Variants in MVB12B observed in about 807,000 individuals in gnomAD.
MVB12B encodes the protein ESCRT-I complex subunit MVB12B.
In MVB12B, 16 loss-of-function variants were observed where a neutral mutation model predicts 41.6. The observed-to-expected ratio is 0.38, with a 90% CI of 0.26 to 0.58. MVB12B has a LOEUF of 0.58. MVB12B is among the 20% of genes least tolerant of loss of function. The probability of loss-of-function intolerance (pLI) is 0.62; values close to 1 mark genes in which losing one functional copy is unlikely to be tolerated. For missense variants in MVB12B, 274 were observed against 380.2 expected (o/e 0.72, Z 2.32); for synonymous variants, 133 against 139.7 (o/e 0.95, Z 0.34).
chr9:126,336,562 C>A (rs545424989), intron 1 of MVB12B, among the ~76,000 whole-genome samples: 1 of 152,212 alleles, frequency 6.6e-6, no homozygotes, highest in Non-Finnish European at 1.5e-5. Flanking sequence ...CCTCCCCAAG[C>A]GCTATCTGCA....
chr9:126,328,901 G>A (rs1488460449), intron 1 of MVB12B, among the ~76,000 whole-genome samples: 1 of 151,932 alleles, frequency 6.6e-6, no homozygotes, highest in Non-Finnish European at 1.5e-5. Context: ...TCCCACCTCA[G>A]CCTCCCAAGT....
In MVB12B at chr9:126,340,369, G is replaced by A; in HGVS notation, c.82-139G>A. 1 of 862,782 alleles carries A rather than the reference G, an allele frequency of 1.2e-6. No individual in the cohort carries two copies. The highest frequency in any genetic ancestry group is 1.8e-6 in the Non-Finnish European group (1 of 555,532). The allele number at this position is 862,782 out of a possible 1,614,324, so 53.4% of individuals were successfully genotyped here. On this transcript the variant is annotated intron_variant, in intron 1 of 9. Coordinates refer to ENST00000361171, the MANE Select transcript of MVB12B (RefSeq NM_033446.3). The surrounding 1 kb of genome is among the most constrained non-coding windows in gnomAD (Gnocchi z 4.0). Reference sequence around the variant, plus strand: ...TGACCTGGGGAAAGGGTCACATAGGGTCAGGACTCATTCAACCAGTACAGG... The same window carrying A: ...TGACCTGGGGAAAGGGTCACATAGGATCAGGACTCATTCAACCAGTACAGG...
At chr9:126,394,896 C>T (rs1831063704) in intron 5 of MVB12B, among the ~76,000 whole-genome samples, 1 of 152,224 alleles carries the variant, frequency 6.6e-6, no homozygotes, top group Non-Finnish European at 1.5e-5. Flanking sequence ...GATCCCGTCA[C>T]TATTCCTAGG....
chr9:126,481,339 A>T, intron 7 of MVB12B, 30 bp from the exon 8 acceptor site: 1 of 1,594,946 alleles, frequency 6.3e-7, no homozygotes, highest in Non-Finnish European at 8.6e-7. Flanking sequence ...CAATACCTTT[A>T]ATGCCATCTT....
chr9:126,371,973 A>C (rs114794723), intron 2 of MVB12B, among the ~76,000 whole-genome samples: 1 of 152,120 alleles, frequency 6.6e-6, no homozygotes, highest in Admixed American at 6.6e-5. Flanking sequence ...TATCACTGCC[A>C]CCTAATTTTG....
intron 2 of MVB12B, 145 bp from the exon 3 acceptor site, chr9:126,380,919 C>T (rs776738575): frequency 3.9e-5 from 23 of 583,518 alleles, no homozygotes; most frequent in Non-Finnish European, 6.4e-5. Context: ...AAATCTCATC[C>T]CAGTGCCTAG....
At chr9:126,445,629 T>A (rs1044099763) in intron 7 of MVB12B, among the ~76,000 whole-genome samples, 1 of 152,096 alleles carries the variant, frequency 6.6e-6, no homozygotes, top group African/African-American at 2.4e-5. Context: ...TTTTCATTGG[T>A]GATTAAATAT....
At chr9:126,462,413 A>G (rs554741453) in intron 7 of MVB12B, among the ~76,000 whole-genome samples, 1 of 152,362 alleles carries the variant, frequency 6.6e-6, no homozygotes, top group East Asian at 1.9e-4. Context: ...ATTCCAAGAC[A>G]CCATTTGATC....
chr9:126,413,849 T>TGTGTGTGTGTGTGC lies in MVB12B; in HGVS notation c.663-8001_663-8000insGTGTGTGTGCGTGT, dbSNP rs1554776184. On this transcript the variant is annotated intron_variant, in intron 6 of 9. Transcript: ENST00000361171. ...GTGTGTGTGTGTGTGTGTGTGTGTGTGTGTATAAGGGTTGGGAGATCAAAG... is the reference window on the plus strand; with the variant it reads ...GTGTGTGTGTGTGTGTGTGTGTGTGTGTGTGTGTGTGTGCGTGTATAAGGGTTGGGAGATCAAAG... Among the ~76,000 whole-genome samples the TGTGTGTGTGTGTGC allele has an allele frequency of 6.8e-3, 1,012 of 148,610 alleles. 20 individuals carry two copies. Among genetic ancestry groups the TGTGTGTGTGTGTGC allele is most frequent in the Admixed American group, 0.014 (210 of 14,942 alleles).
At chr9:126,496,218 CA>C in intron 9 of MVB12B, among the ~76,000 whole-genome samples, 1 of 133,166 alleles carries the variant, frequency 7.5e-6, no homozygotes, top group Non-Finnish European at 1.6e-5. Flanking sequence ...CCCGTCCATC[CA>C]CCCACCCATC....
At chr9:126,404,522 C>T (rs1831362812) in intron 6 of MVB12B, among the ~76,000 whole-genome samples, 2 of 152,224 alleles carry the variant, frequency 1.3e-5, no homozygotes, top group Admixed American at 1.3e-4. Flanking sequence ...TTCAGGTGGC[C>T]CCGCCATCTT....
intron 4 of MVB12B, among the ~76,000 whole-genome samples, chr9:126,387,319 A>G (rs2118983714): frequency 6.6e-6 from 1 of 152,300 alleles, no homozygotes; most frequent in South Asian, 2.1e-4. Context: ...ACCTTGTTTC[A>G]TTTTTAATCA....
intron 2 of MVB12B, among the ~76,000 whole-genome samples, chr9:126,342,227 C>T (rs1259850068): frequency 2.6e-5 from 4 of 152,280 alleles, no homozygotes; most frequent in South Asian, 4.1e-4. Context: ...TGGGAGAGGA[C>T]GGGCTCAGGG....
intron 9 of MVB12B, among the ~76,000 whole-genome samples, chr9:126,489,976 G>A (rs1235657152): frequency 6.6e-6 from 1 of 152,160 alleles, no homozygotes; most frequent in Non-Finnish European, 1.5e-5. Context: ...GTGACCCGGT[G>A]GGGCTGTTGT....
rs1832841876 is a variant in MVB12B at position 126,448,922 on chromosome 9, A to G, written c.757+26974A>G. ...CAAGCCTCATCCCAGAACTTTGATC[A>G]TTGGAAGTGCTTATTTGAAATCTTC... On this transcript the variant is annotated intron_variant, in intron 7 of 9. Coordinates refer to ENST00000361171, the MANE Select transcript of MVB12B (RefSeq NM_033446.3). 2.0e-5 allele frequency among the ~76,000 whole-genome samples: 3 copies of G among 152,216 alleles called. No homozygotes were observed. The South Asian group carries it at 6.2e-4, about 32-fold the overall frequency.
intron 7 of MVB12B, among the ~76,000 whole-genome samples, chr9:126,433,475 G>A (rs1832383624): frequency 6.6e-6 from 1 of 152,134 alleles, no homozygotes; most frequent in South Asian, 2.1e-4. Flanking sequence ...TATAGTGATG[G>A]TGGGCAGCCC....
chr9:126,431,598 C>T (rs1832333047), intron 7 of MVB12B, among the ~76,000 whole-genome samples: 1 of 152,196 alleles, frequency 6.6e-6, no homozygotes, highest in Non-Finnish European at 1.5e-5. Context: ...CACCTTCCCA[C>T]TGTGCTTTCC....
At chr9:126,362,476 C>G (rs1830054259) in intron 2 of MVB12B, among the ~76,000 whole-genome samples, 1 of 151,960 alleles carries the variant, frequency 6.6e-6, no homozygotes, top group South Asian at 2.1e-4. Flanking sequence ...TAGGAAATTT[C>G]AAAATTATAA....
chr9:126,501,309 A>G (rs1833950803), intron 9 of MVB12B, among the ~76,000 whole-genome samples: 1 of 152,192 alleles, frequency 6.6e-6, no homozygotes, highest in Admixed American at 6.5e-5. Flanking sequence ...GCAGGCCTGG[A>G]CATGGGCGCA....
Sources: gnomAD v4.1 joint callset for allele counts (sites outside exome capture counted in the v4.1 genomes callset) on GRCh38, gnomAD v4.1.1 for gene constraint, Gnocchi (gnomAD v3.1) non-coding constraint, MANE v1.5 for transcripts, NCBI Gene and HGNC (gene_info 2026-07-23, HGNC 2026-07-21) for gene names.